The following UBR3 variants were observed in gnomAD, a reference collection of about 807,000 sequenced individuals.
UBR3 encodes the protein E3 ubiquitin-protein ligase UBR3.
In UBR3, 85 loss-of-function variants were observed where a neutral mutation model predicts 243.2. The observed-to-expected ratio is 0.35, with a 90% confidence interval of 0.29 to 0.42. UBR3 has a LOEUF of 0.42. UBR3 is among the 10% of genes least tolerant of loss of function. The pLI, the probability that UBR3 is intolerant of heterozygous loss-of-function variation, is 1.00. For missense variants in UBR3, 1,686 were observed against 2,300.8 expected (o/e 0.73, Z 5.47); for synonymous variants, 748 against 799.8 (o/e 0.94, Z 1.09).
intron 35 of UBR3, among the ~76,000 whole-genome samples, chr2:170,062,153 T>C (rs1320538485): frequency 6.6e-6 from 1 of 152,196 alleles, no homozygotes; most frequent in Non-Finnish European, 1.5e-5. Context: ...CCAGTTGTAT[T>C]AAAATGGGTG....
intron 30 of UBR3, among the ~76,000 whole-genome samples, chr2:170,026,536 A>G (rs1022025626): frequency 1.3e-5 from 2 of 152,102 alleles, no homozygotes; most frequent in Admixed American, 1.3e-4. Context: ...TTAAAGACAC[A>G]TGGCTAGTAC....
At chr2:169,854,023 G>A (rs1217009459) in intron 1 of UBR3, among the ~76,000 whole-genome samples, 1 of 150,712 alleles carries the variant, frequency 6.6e-6, no homozygotes, top group African/African-American at 2.4e-5. Flanking sequence ...GTCTGTTGGG[G>A]TTGGGGGCAA....
chr2:170,020,539 G>T (rs1574407794), intron 30 of UBR3, among the ~76,000 whole-genome samples: 5 of 152,268 alleles, frequency 3.3e-5, no homozygotes, highest in South Asian at 2.1e-4. Context: ...TACTAGGCTG[G>T]ATGCTCTGTC....
intron 1 of UBR3, among the ~76,000 whole-genome samples, chr2:169,845,534 T>TCGTCGTCGTCGTCGTCG (rs1559012465): frequency 8.2e-6 from 1 of 122,586 alleles, no homozygotes; most frequent in Non-Finnish European, 1.7e-5. Context: ...CGTCGTCGTC[T>TCGTCGTCGTCGTCGTCG]TCTTCTTCTT....
chr2:170,040,933 A>G lies in UBR3; in HGVS notation c.4608A>G (p.Val1536=), dbSNP rs1325147270. 2 of 1,613,470 alleles carry G rather than the reference A, an allele frequency of 1.2e-6. No homozygotes were observed. The highest frequency in any genetic ancestry group is 2.7e-5 in the African/African-American group (2 of 74,908). ...AGGTTCCAATTCTTTATCATGATGT[A>G]ACATCCCTTTTGCTCATCCAGATCT... ...QPEVPILYHD[V]TSLLLIQILM... is the part of the protein sequence containing the mutation. The change falls in exon 32 of 39, where the codon GTA becomes GTG. Residue 1536 remains valine (V), a synonymous_variant. Transcript: ENST00000272793.
At chr2:169,868,903 T>A (rs2083341945) in intron 1 of UBR3, among the ~76,000 whole-genome samples, 1 of 152,226 alleles carries the variant, frequency 6.6e-6, no homozygotes, top group Admixed American at 6.5e-5. Flanking sequence ...TTCAAGCCTC[T>A]TTTAACCTAG....
rs1345459312 is a variant in UBR3 at position 169,961,958 on chromosome 2, T to G, written c.3634+3432T>G. Among the ~76,000 whole-genome samples the G allele has an allele frequency of 4.6e-5, 7 of 151,582 alleles. No homozygotes were observed. In the South Asian group the frequency reaches 1.3e-3, roughly 27 times the overall value. ...CCTGTCTCCTGGTCCTGATGCCCTG[T>G]GTAGTCTTCTACATAGAAGTGCATG... is the stretch of plus-strand genomic sequence containing the variant. On this transcript the variant is annotated intron_variant, in intron 24 of 38. Transcript: ENST00000272793.
At chr2:169,875,401 T>TTCAC (rs1483518413) in intron 2 of UBR3, among the ~76,000 whole-genome samples, 11 of 152,034 alleles carry the variant, frequency 7.2e-5, no homozygotes, top group Admixed American at 7.2e-4. Context: ...ATGATCTCAG[T>TTCAC]TCACTGCCAC....
At chr2:169,889,198 G>C (rs974323165) in intron 5 of UBR3, among the ~76,000 whole-genome samples, 2 of 152,086 alleles carry the variant, frequency 1.3e-5, no homozygotes, top group Non-Finnish European at 2.9e-5. Flanking sequence ...TGTGTTTTCA[G>C]ACTTTTGTCT....
At chr2:169,906,674 A>G (rs1330936050) in intron 10 of UBR3, among the ~76,000 whole-genome samples, 3 of 152,200 alleles carry the variant, frequency 2.0e-5, no homozygotes, top group Admixed American at 2.0e-4. Context: ...GATAATAGAC[A>G]CCATGCAGTT....
intron 31 of UBR3, among the ~76,000 whole-genome samples, chr2:170,037,474 T>C (rs12619640): frequency 6.6e-6 from 1 of 151,892 alleles, no homozygotes; most frequent in African/African-American, 2.4e-5. Flanking sequence ...TGCAACCTCC[T>C]CCTCCTGGGT....
chr2:169,883,649 A>G (rs1206277948), intron 5 of UBR3, among the ~76,000 whole-genome samples: 4 of 152,198 alleles, frequency 2.6e-5, no homozygotes, highest in Non-Finnish European at 5.9e-5. Context: ...ATGTACCAAT[A>G]ATTTCTTATA....
chr2:169,888,077 T>TTTTTTC (rs1032850300), intron 5 of UBR3, among the ~76,000 whole-genome samples: 11 of 150,724 alleles, frequency 7.3e-5, no homozygotes, highest in Admixed American at 6.6e-4. Context: ...CGCCCGGCAG[T>TTTTTTC]TTTTTCTTTT....
intron 5 of UBR3, among the ~76,000 whole-genome samples, chr2:169,887,239 C>G (rs894265507): frequency 2.6e-5 from 4 of 152,158 alleles, no homozygotes; most frequent in African/African-American, 9.7e-5. Context: ...GCAATAGTGC[C>G]TACTTCCATG....
At chr2:169,868,396 C>T (rs1044561226) in intron 1 of UBR3, among the ~76,000 whole-genome samples, 1 of 152,156 alleles carries the variant, frequency 6.6e-6, no homozygotes, top group African/African-American at 2.4e-5. Context: ...GGCTGGAGTG[C>T]AGTGGCGCAC....
At chr2:170,010,275 C>T (rs960896819) in intron 29 of UBR3, among the ~76,000 whole-genome samples, 2 of 152,172 alleles carry the variant, frequency 1.3e-5, no homozygotes, top group African/African-American at 4.8e-5. Flanking sequence ...TACAGAACTT[C>T]CATATGATAT....
chr2:169,939,048 ATTTT>A (rs1292613119), intron 19 of UBR3, among the ~76,000 whole-genome samples: 9 of 151,742 alleles, frequency 5.9e-5, no homozygotes, highest in Admixed American at 6.6e-5. Context: ...AGAAATCTTT[ATTTT>A]ACGTTTATAT....
At chr2:169,838,119 A>C (rs1046730095) in intron 1 of UBR3, among the ~76,000 whole-genome samples, 2 of 152,204 alleles carry the variant, frequency 1.3e-5, no homozygotes, top group Non-Finnish European at 2.9e-5. Flanking sequence ...ACTTCTGTTA[A>C]GATGTTGACT....
intron 8 of UBR3, among the ~76,000 whole-genome samples, chr2:169,904,730 A>AT (rs2084951897): frequency 1.3e-5 from 2 of 152,184 alleles, no homozygotes; most frequent in Admixed American, 6.5e-5. Context: ...TAATCTAGGG[A>AT]TAAAAATTTT....
Sources: gnomAD v4.1 joint callset for allele counts (sites outside exome capture counted in the v4.1 genomes callset) on GRCh38, gnomAD v4.1.1 for gene constraint, MANE v1.5 for transcripts, NCBI Gene and HGNC (gene_info 2026-07-23, HGNC 2026-07-21) for gene names.